Variants in RFX3 observed in about 807,000 individuals in gnomAD.
The protein encoded by RFX3 is transcription factor RFX3.
Under a neutral mutation model 98.6 loss-of-function variants are expected in RFX3, and 14 were observed. The observed-to-expected ratio is 0.14, with a 90% confidence interval of 0.09 to 0.22. The LOEUF is 0.22. Ranked by LOEUF, RFX3 falls within the 10% of genes least tolerant of loss-of-function variation. The pLI, the probability that RFX3 is intolerant of heterozygous loss-of-function variation, is 1.00. For missense variants in RFX3, 639 were observed against 926.9 expected (o/e 0.69, Z 4.03); for synonymous variants, 383 against 328.4 (o/e 1.17, Z -1.80).
intron 15 of RFX3, among the ~76,000 whole-genome samples, chr9:3,233,038 C>G (rs1323156146): frequency 1.3e-5 from 2 of 152,178 alleles, no homozygotes; most frequent in African/African-American, 2.4e-5. Flanking sequence ...GAAAGCATGT[C>G]TATTGTTTGA....
intron 15 of RFX3, among the ~76,000 whole-genome samples, chr9:3,242,076 T>C (rs1348972103): frequency 4.6e-5 from 7 of 152,194 alleles, no homozygotes; most frequent in African/African-American, 1.4e-4. Context: ...AACTGAAAGA[T>C]AGATTAAGCC....
chr9:3,478,212 C>T (rs913343236), intron 1 of RFX3, among the ~76,000 whole-genome samples: 1 of 151,974 alleles, frequency 6.6e-6, no homozygotes, highest in Non-Finnish European at 1.5e-5. Context: ...TTGCATTTCT[C>T]AATTTTTGTT....
intron 1 of RFX3, among the ~76,000 whole-genome samples, chr9:3,397,526 C>T (rs908964198): frequency 1.3e-5 from 2 of 152,156 alleles, no homozygotes; most frequent in African/African-American, 4.8e-5. Context: ...CAGAAACGGA[C>T]CTCTGAAGAC....
At chr9:3,392,275 A>C (rs953217018) in intron 2 of RFX3, among the ~76,000 whole-genome samples, 10 of 152,190 alleles carry the variant, frequency 6.6e-5, no homozygotes, top group African/African-American at 9.6e-5. Flanking sequence ...AAAAAACAAA[A>C]CAAAACAGAA....
intron 1 of RFX3, among the ~76,000 whole-genome samples, chr9:3,473,638 G>A (rs1030059276): frequency 2.6e-5 from 4 of 152,102 alleles, no homozygotes; most frequent in African/African-American, 9.7e-5. Flanking sequence ...CTCACAGCCT[G>A]CAGGAGTCTC....
At position 3,498,576 on chromosome 9, in the gene RFX3, G is replaced by A. The variant is rs143564956; in HGVS notation, c.-9+27171C>T. 7.6e-4 allele frequency among the ~76,000 whole-genome samples: 115 copies of A among 151,988 alleles called. No individual in the cohort carries two copies. The Middle Eastern group carries it at 0.014, about 18-fold the overall frequency. ...AATACTTCCCTGAAAACTTCTTTAC[G>A]TGATATCCTTTTTTTGTTGTTGTTA... On this transcript the variant is annotated intron_variant, in intron 1 of 16. Coordinates refer to ENST00000617270, the MANE Select transcript of RFX3 (RefSeq NM_001282116.2).
chr9:3,457,347 C>T (rs1847285121), intron 1 of RFX3, among the ~76,000 whole-genome samples: 1 of 152,020 alleles, frequency 6.6e-6, no homozygotes, highest in Non-Finnish European at 1.5e-5. Flanking sequence ...ATTTGCAAGT[C>T]ATTTAATCCT....
chr9:3,244,271 GCTGGGATTA>G (rs1277639218), intron 15 of RFX3, among the ~76,000 whole-genome samples: 2 of 152,080 alleles, frequency 1.3e-5, no homozygotes, highest in Admixed American at 6.5e-5. Flanking sequence ...CTCCCAAAGT[GCTGGGATTA>G]CAGGTGTGAG....
intron 7 of RFX3, 39 bp from the exon 8 acceptor site, chr9:3,277,500 T>C (rs1825388044): frequency 1.3e-6 from 2 of 1,587,076 alleles, no homozygotes; most frequent in South Asian, 2.2e-5. Context: ...TAAACCAAAT[T>C]ATTCCTTGCT....
chr9:3,296,913 G>C (rs187473271), intron 5 of RFX3, among the ~76,000 whole-genome samples: 36 of 152,106 alleles, frequency 2.4e-4, no homozygotes, highest in Admixed American at 2.0e-3. Context: ...ATGTGGCTGG[G>C]GATTATAATC....
intron 2 of RFX3, among the ~76,000 whole-genome samples, chr9:3,387,083 GT>G (rs1839805172): frequency 6.6e-6 from 1 of 152,058 alleles, no homozygotes; most frequent in South Asian, 2.1e-4. Context: ...CCCTCTTCCA[GT>G]TTGTTTTTCT....
chr9:3,412,237 G>A (rs565649200), intron 1 of RFX3, among the ~76,000 whole-genome samples: 2 of 152,234 alleles, frequency 1.3e-5, no homozygotes, highest in South Asian at 2.1e-4. Flanking sequence ...CTTTATCTAT[G>A]TTCAGAGAAA....
intron 1 of RFX3, among the ~76,000 whole-genome samples, chr9:3,420,032 C>T (rs1843309552): frequency 6.6e-6 from 1 of 152,160 alleles, no homozygotes; most frequent in African/African-American, 2.4e-5. Flanking sequence ...CACGTGAAGG[C>T]ACAGGAGGGA....
chr9:3,429,246 T>A (rs1048047084), intron 1 of RFX3, among the ~76,000 whole-genome samples: 2 of 150,918 alleles, frequency 1.3e-5, no homozygotes, highest in African/African-American at 2.4e-5. Flanking sequence ...ATGGTCTCGA[T>A]CTCCTGACCT....
At chr9:3,334,128 A>G (rs1832896314) in intron 3 of RFX3, among the ~76,000 whole-genome samples, 1 of 152,212 alleles carries the variant, frequency 6.6e-6, no homozygotes, top group African/African-American at 2.4e-5. Flanking sequence ...ATATCTGTCA[A>G]TGATATATGT....
chr9:3,467,514 C>T (rs985405332), intron 1 of RFX3, among the ~76,000 whole-genome samples: 2 of 151,812 alleles, frequency 1.3e-5, no homozygotes, highest in African/African-American at 4.8e-5. Flanking sequence ...AAAATTATTT[C>T]TCAAGGAAAG....
rs193050800 is a variant in RFX3, at chr9:3,359,747, G to A, written c.118-12983C>T. On this transcript the variant is annotated intron_variant, in intron 2 of 16. Transcript: ENST00000617270. Reference sequence around the variant, plus strand: ...GGGGATGTGTATTTTTTTAAATAATGAAAAAAATGTTTATTTTTTCAAAGT... The same window carrying A: ...GGGGATGTGTATTTTTTTAAATAATAAAAAAAATGTTTATTTTTTCAAAGT... 6.5e-4 allele frequency among the ~76,000 whole-genome samples: 99 copies of A among 151,848 alleles called. 2 individuals are homozygous for A. In the East Asian group the frequency reaches 0.018, roughly 28 times the overall value.
chr9:3,396,878 A>G (rs1437651136), intron 1 of RFX3, among the ~76,000 whole-genome samples: 1 of 152,170 alleles, frequency 6.6e-6, no homozygotes, highest in Non-Finnish European at 1.5e-5. Context: ...AAAACTTACT[A>G]TTTGGTGATC....
intron 2 of RFX3, among the ~76,000 whole-genome samples, chr9:3,349,138 T>A (rs983262740): frequency 2.6e-5 from 4 of 152,108 alleles, no homozygotes. Context: ...TTTAAATATA[T>A]ACAAATTAAA....
Sources: gnomAD v4.1 joint callset for allele counts (sites outside exome capture counted in the v4.1 genomes callset) on GRCh38, gnomAD v4.1.1 for gene constraint, MANE v1.5 for transcripts, NCBI Gene and HGNC (gene_info 2026-07-23, HGNC 2026-07-21) for gene names.